LYRM7: variants seen among roughly 807,000 people sequenced by gnomAD.
LYRM7 encodes the protein complex III assembly factor LYRM7.
In LYRM7, 9 loss-of-function variants were observed where a neutral mutation model predicts 15.8. The ratio of observed to expected loss-of-function variants is 0.57; its 90% CI spans 0.34 to 0.99. The LOEUF is 0.99. Among genes scored for constraint, LYRM7 ranks in the 50% least tolerant of loss-of-function variants. LYRM7 has a pLI of 0.02. For missense variants in LYRM7, 115 were observed against 119.1 expected (o/e 0.97, Z 0.16); for synonymous variants, 39 against 39.4 (o/e 0.99, Z 0.04).
At position 131,187,038 on chromosome 5, in the gene LYRM7, T is replaced by A; in HGVS notation, c.173T>A (p.Ile58Lys). ...SSKKIEELMK[I>K]GSDVELLLRT... ...TGGTTTTCTTAACAGCTAATGAAAATAGGTTCTGATGTTGAATTATTACTC... is the reference window on the plus strand; with the variant it reads ...TGGTTTTCTTAACAGCTAATGAAAAAAGGTTCTGATGTTGAATTATTACTC... The change falls in exon 4 of 5, where the codon ATA becomes AAA. Residue 58 changes from isoleucine to lysine, a missense_variant. Coordinates refer to ENST00000379380, the MANE Select transcript of LYRM7 (RefSeq NM_181705.4). 6.5e-7 allele frequency: 1 copy of A among 1,545,804 alleles called. No individual in the cohort carries two copies. The highest frequency in any genetic ancestry group is 8.8e-7 in the Non-Finnish European group (1 of 1,134,372).
rs1756036875 is a variant in LYRM7, at chr5:131,200,124, TAC to T, written c.*525_*526del. 6.6e-6 allele frequency: 1 copy of T among 152,370 alleles called. No homozygotes were observed. The highest frequency in any genetic ancestry group is 6.5e-5 in the Admixed American group (1 of 15,288). 9.4% of individuals were successfully genotyped at this position (152,370 alleles called of 1,614,324 possible). A position where few individuals can be genotyped will look rare whatever the true frequency, so the allele number is the denominator to read the frequency against. ...TATTTCTGTAGCTAATATATAATTG[TAC>T]AGTTTCTTTTTAGAGATAGAGAGTA... On this transcript the variant is annotated 3_prime_UTR_variant, in exon 5 of 5. Coordinates refer to ENST00000379380, the MANE Select transcript of LYRM7 (RefSeq NM_181705.4).
intron 1 of LYRM7, among the ~76,000 whole-genome samples, chr5:131,179,049 T>C (rs1320663412): frequency 6.6e-6 from 1 of 151,934 alleles, no homozygotes; most frequent in East Asian, 1.9e-4. Context: ...TCTTTTAAGA[T>C]GCAATAAATT....
rs1561544194 is a variant in LYRM7 at position 131,181,302 on chromosome 5, A to AATATAT, written c.92-917_92-912dup. On this transcript the variant is annotated intron_variant, in intron 2 of 4. Coordinates refer to ENST00000379380, the MANE Select transcript of LYRM7 (RefSeq NM_181705.4). The stretch of plus-strand genomic sequence containing the variant: ...AAAAAAAAAAAAAAAAAAAAAAAAA[A>AATATAT]ATATATATATATATACACACACACA... Among the ~76,000 whole-genome samples the AATATAT allele has an allele frequency of 5.0e-3, 44 of 8,770 alleles. 1 individual carries two copies. Among genetic ancestry groups the AATATAT allele is most frequent in the Non-Finnish European group, 5.3e-3 (16 of 2,992 alleles). The allele number at this position is 8,770 out of a possible 152,430, so 5.8% of individuals were successfully genotyped here.
rs951479941 is a variant in LYRM7 at position 131,204,245 on chromosome 5, G to A, written c.*4644G>A. 6.6e-6 allele frequency: 1 copy of A among 151,358 alleles called. No homozygotes were observed. Among genetic ancestry groups the A allele is most frequent in the African/African-American group, 2.4e-5 (1 of 41,224 alleles). The allele number at this position is 151,358 out of a possible 1,614,324, so 9.4% of individuals were successfully genotyped here. A position where few individuals can be genotyped will look rare whatever the true frequency, so the allele number is the denominator to read the frequency against. On this transcript the variant is annotated 3_prime_UTR_variant, in exon 5 of 5. Transcript: ENST00000379380. ...ACCTGACTATAGGGCCTTTTTGAAAGGAAAATTGACATCATCAAAATTTTA... is the reference window on the plus strand; with the variant it reads ...ACCTGACTATAGGGCCTTTTTGAAAAGAAAATTGACATCATCAAAATTTTA...
chr5:131,180,106 CT>C lies in LYRM7; in HGVS notation c.33del (p.Phe11LeufsTer19). The part of the protein sequence containing the change: MGRAVKVLQL[F>X]KTLHRTRQQV... ...GATTTTCTTAACAGGTTTTACAGCT[CT>C]TTAAAACACTGCACAGGACCAGACA... On this transcript the variant is annotated frameshift_variant, in exon 2 of 5. Transcript: ENST00000379380. LOFTEE classifies it high-confidence loss of function. The C allele has an allele frequency of 6.2e-7, 1 of 1,611,982 alleles. No homozygotes were observed. Among genetic ancestry groups the C allele is most frequent in the Non-Finnish European group, 8.5e-7 (1 of 1,178,438 alleles).
intron 4 of LYRM7, among the ~76,000 whole-genome samples, chr5:131,199,287 A>G (rs142907779): frequency 5.5e-4 from 84 of 152,328 alleles, no homozygotes; most frequent in Middle Eastern, 3.4e-3. Context: ...TTGATTTGCT[A>G]TATTTAATGA....
chr5:131,199,768 C>A lies in LYRM7; in HGVS notation c.*167C>A. The A allele has an allele frequency of 4.7e-6, 2 of 427,664 alleles. No homozygotes were observed. Among genetic ancestry groups the A allele is most frequent in the South Asian group, 6.4e-5 (1 of 15,582 alleles). 26.5% of individuals were successfully genotyped at this position (427,664 alleles called of 1,614,324 possible). ...CATGTTAAAAGGTCATTACTGAGAA[C>A]TAAAGAACATAATTAAGTATTTCTA... On this transcript the variant is annotated 3_prime_UTR_variant, in exon 5 of 5. Coordinates refer to ENST00000379380, the MANE Select transcript of LYRM7 (RefSeq NM_181705.4).
intron 4 of LYRM7, among the ~76,000 whole-genome samples, chr5:131,195,161 G>T (rs1211319941): frequency 6.6e-6 from 1 of 151,948 alleles, no homozygotes; most frequent in Non-Finnish European, 1.5e-5. Context: ...CCAGCTACTC[G>T]GGAGGCTGAG....
intron 1 of LYRM7, among the ~76,000 whole-genome samples, chr5:131,172,607 TA>T (rs1251095054): frequency 6.6e-6 from 1 of 152,082 alleles, no homozygotes. Flanking sequence ...ACACTTTTGG[TA>T]GAGCCTACAA....
chr5:131,177,218 C>G (rs991591340), intron 1 of LYRM7, among the ~76,000 whole-genome samples: 1 of 152,116 alleles, frequency 6.6e-6, no homozygotes, highest in African/African-American at 2.4e-5. Context: ...AATAACTTTC[C>G]TGGAGCAATT....
At chr5:131,181,417 TTATA>T (rs1554089947) in intron 2 of LYRM7, among the ~76,000 whole-genome samples, 2 of 106,190 alleles carry the variant, frequency 1.9e-5, no homozygotes, top group South Asian at 5.1e-4. Flanking sequence ...ATATATATGT[TTATA>T]TATATATAAC....
intron 4 of LYRM7, among the ~76,000 whole-genome samples, chr5:131,192,134 A>C (rs993650539): frequency 7.9e-5 from 12 of 152,116 alleles, no homozygotes; most frequent in African/African-American, 2.9e-4. Flanking sequence ...TTGTGACAAC[A>C]TACATGAACC....
chr5:131,180,070 C>T (rs1042386306), intron 1 of LYRM7, 25 bp from the exon 2 acceptor site: 1 of 1,557,162 alleles, frequency 6.4e-7, no homozygotes, highest in Admixed American at 1.7e-5. Context: ...CTGTGCCCAA[C>T]CTTGAATTCT....
intron 3 of LYRM7, among the ~76,000 whole-genome samples, chr5:131,186,617 G>A (rs778593096): frequency 5.3e-5 from 8 of 152,120 alleles, no homozygotes; most frequent in Non-Finnish European, 1.0e-4. Flanking sequence ...GTGCTTTGGA[G>A]CCATTATTAA....
chr5:131,198,607 G>A (rs1384674797), intron 4 of LYRM7, among the ~76,000 whole-genome samples: 2 of 151,896 alleles, frequency 1.3e-5, no homozygotes, highest in African/African-American at 4.8e-5. Context: ...GTGTCCCCCA[G>A]GCTGGAGTGC....
Position 131,183,340 on chromosome 5 carries a change from A to T in LYRM7, c.162+1041A>T, listed in dbSNP as rs142463867. On this transcript the variant is annotated intron_variant, in intron 3 of 4. Transcript: ENST00000379380. ...TCATGGCAGAAATTAAAATGACCATATAATCAACTCATGACTTGAAGGGAA... is the reference window on the plus strand; with the variant it reads ...TCATGGCAGAAATTAAAATGACCATTTAATCAACTCATGACTTGAAGGGAA... Among the ~76,000 whole-genome samples, 913 of 152,326 alleles carry T rather than the reference A, an allele frequency of 6.0e-3. 9 individuals carry two copies. The highest frequency in any genetic ancestry group is 0.021 in the African/African-American group (882 of 41,582).
intron 1 of LYRM7, among the ~76,000 whole-genome samples, chr5:131,172,707 A>T (rs1755542245): frequency 1.3e-5 from 2 of 152,232 alleles, no homozygotes; most frequent in Non-Finnish European, 2.9e-5. Context: ...TCCAAAAAAA[A>T]ATAGGAAAGT....
At chr5:131,194,716 G>A (rs573054061) in intron 4 of LYRM7, among the ~76,000 whole-genome samples, 6 of 152,160 alleles carry the variant, frequency 3.9e-5, no homozygotes, top group African/African-American at 7.2e-5. Flanking sequence ...TGTTCCATGA[G>A]GGTAAAAATG....
intron 4 of LYRM7, among the ~76,000 whole-genome samples, chr5:131,190,894 A>G (rs1467400770): frequency 6.6e-6 from 1 of 152,184 alleles, no homozygotes; most frequent in Non-Finnish European, 1.5e-5. Flanking sequence ...GTTTCTGTGT[A>G]GTATAGCCAA....
Sources: allele counts gnomAD v4.1 joint callset (sites outside exome capture counted in the v4.1 genomes callset), GRCh38; gene constraint gnomAD v4.1.1; transcripts MANE v1.5; gene names NCBI Gene and HGNC (gene_info 2026-07-23, HGNC 2026-07-21).